Variants in EIF4G3 observed in about 807,000 individuals in gnomAD.
The protein encoded by EIF4G3 is eIF-4-gamma 3.
Under a neutral mutation model 186.4 loss-of-function variants are expected in EIF4G3, and 34 were observed. That is an observed-to-expected ratio of 0.18 (90% CI 0.14 to 0.24). The LOEUF is 0.24. Among genes scored for constraint, EIF4G3 ranks in the 10% least tolerant of loss-of-function variants. The probability of loss-of-function intolerance (pLI) is 1.00; values close to 1 mark genes in which losing one functional copy is unlikely to be tolerated. For synonymous variants in EIF4G3, 673 were observed against 679.5 expected, an observed-to-expected ratio of 0.99 and a Z score of 0.15; for missense variants, 1,536 against 1,948.5, an observed-to-expected ratio of 0.79 and a Z score of 3.99.
chr1:20,991,089 T>G (rs909275280), intron 7 of EIF4G3, among the ~76,000 whole-genome samples: 1 of 152,222 alleles, frequency 6.6e-6, no homozygotes, highest in Admixed American at 6.5e-5. Context: ...AGGTGTCAAT[T>G]TGATAATCTG....
intron 12 of EIF4G3, among the ~76,000 whole-genome samples, chr1:20,965,343 A>ACT (rs540110522): frequency 1.1e-4 from 17 of 151,248 alleles, no homozygotes; most frequent in Non-Finnish European, 2.2e-4. Context: ...GGCATCCCTG[A>ACT]CTCTCTCTCT....
chr1:21,145,112 AT>A (rs201438931), intron 2 of EIF4G3, among the ~76,000 whole-genome samples: 3,411 of 151,874 alleles, frequency 0.022, 74 homozygotes, highest in Non-Finnish European at 0.031. Context: ...GAAAAAAAAA[AT>A]TATGCCATTA....
intron 6 of EIF4G3, among the ~76,000 whole-genome samples, chr1:20,998,212 T>TACACACACACACAC (rs5772928): frequency 6.7e-6 from 1 of 148,474 alleles, no homozygotes; most frequent in Admixed American, 6.7e-5. Context: ...TTTATGACTT[T>TACACACACACACAC]ACACACACAC....
intron 4 of EIF4G3, among the ~76,000 whole-genome samples, chr1:21,041,107 A>C (rs76927565): frequency 0.029 from 4,404 of 152,032 alleles, 136 homozygotes; most frequent in East Asian, 0.14. Flanking sequence ...ATTCGACTAC[A>C]TTTTAATTTT....
intron 2 of EIF4G3, among the ~76,000 whole-genome samples, chr1:21,116,568 C>T (rs931538258): frequency 4.0e-5 from 6 of 151,788 alleles, no homozygotes; most frequent in African/African-American, 7.3e-5. Flanking sequence ...CCAGGCGCGG[C>T]GGCTCACACC....
intron 29 of EIF4G3, among the ~76,000 whole-genome samples, chr1:20,842,125 C>T (rs1287712685): frequency 6.6e-6 from 1 of 152,128 alleles, no homozygotes; most frequent in Non-Finnish European, 1.5e-5. Flanking sequence ...TGTTTTCTTT[C>T]TGAATGTCCA....
chr1:20,828,331 T>C (rs559939348), intron 31 of EIF4G3, among the ~76,000 whole-genome samples: 109 of 152,188 alleles, frequency 7.2e-4, no homozygotes, highest in African/African-American at 2.3e-3. Context: ...CGTCTGGCCA[T>C]ATATAAAGTA....
chr1:20,857,252 C>T (rs2075233525), intron 25 of EIF4G3, 151 bp downstream of exon 25: 1 of 582,302 alleles, frequency 1.7e-6, no homozygotes, highest in Non-Finnish European at 3.1e-6. Context: ...AAAAAATAAC[C>T]ACCCCATGGA....
At chr1:20,887,733 T>C (rs1032267002) in intron 18 of EIF4G3, among the ~76,000 whole-genome samples, 4 of 151,052 alleles carry the variant, frequency 2.6e-5, no homozygotes, top group Non-Finnish European at 5.9e-5. Context: ...GATCATCAGA[T>C]TGGAAAAATA....
At chr1:21,069,331 T>A (rs2095369890) in intron 3 of EIF4G3, among the ~76,000 whole-genome samples, 1 of 152,200 alleles carries the variant, frequency 6.6e-6, no homozygotes, top group African/African-American at 2.4e-5. Context: ...ATGTTACTAC[T>A]TATTTACATA....
At chr1:21,008,332 T>C (rs2085910344) in intron 4 of EIF4G3, among the ~76,000 whole-genome samples, 1 of 133,980 alleles carries the variant, frequency 7.5e-6, no homozygotes. Context: ...TCACTTATTT[T>C]AATCTTTTTT....
intron 15 of EIF4G3, among the ~76,000 whole-genome samples, chr1:20,901,672 G>C (rs2090333861): frequency 6.6e-6 from 1 of 152,018 alleles, no homozygotes; most frequent in Non-Finnish European, 1.5e-5. Flanking sequence ...CAGAATCACT[G>C]AATTATCTGA....
At chr1:20,814,287 C>T (rs947122043) in intron 34 of EIF4G3, among the ~76,000 whole-genome samples, 1 of 152,096 alleles carries the variant, frequency 6.6e-6, no homozygotes, top group Admixed American at 6.6e-5. Flanking sequence ...CATTTTTGCA[C>T]ATTCTTGCTA....
At chr1:21,133,842 A>G (rs1353615439) in intron 2 of EIF4G3, among the ~76,000 whole-genome samples, 4 of 152,134 alleles carry the variant, frequency 2.6e-5, no homozygotes. Context: ...AGTCCTCCCC[A>G]TTATCCTAAT....
At chr1:20,891,274 G>A (rs1296853870) in intron 18 of EIF4G3, among the ~76,000 whole-genome samples, 1 of 152,180 alleles carries the variant, frequency 6.6e-6, no homozygotes, top group Non-Finnish European at 1.5e-5. Flanking sequence ...GACACTGGAA[G>A]AGGATTTATA....
At chr1:20,883,273 T>A (rs72652951) in intron 19 of EIF4G3, among the ~76,000 whole-genome samples, 5,929 of 152,030 alleles carry the variant, frequency 0.039, 179 homozygotes, top group Non-Finnish European at 0.056. Context: ...GAAAGGGGAA[T>A]AGTTTAGGTA....
intron 33 of EIF4G3, among the ~76,000 whole-genome samples, chr1:20,818,298 A>G (rs1420914425): frequency 6.6e-6 from 1 of 152,190 alleles, no homozygotes; most frequent in East Asian, 1.9e-4. Context: ...TATAGGTGTG[A>G]GAAATGATGC....
At chr1:21,009,316 A>G (rs1440225113) in intron 4 of EIF4G3, among the ~76,000 whole-genome samples, 1 of 151,972 alleles carries the variant, frequency 6.6e-6, no homozygotes, top group Non-Finnish European at 1.5e-5. Flanking sequence ...AGTAGCTAGG[A>G]CTATAGGCAC....
chr1:21,170,966 C>A (rs1220653856), intron 2 of EIF4G3, among the ~76,000 whole-genome samples: 2 of 147,864 alleles, frequency 1.4e-5, no homozygotes, highest in African/African-American at 5.0e-5. Context: ...GGTGACAGAG[C>A]AAGTCCCTGT....
Sources: gnomAD v4.1 joint callset for allele counts (sites outside exome capture counted in the v4.1 genomes callset) on GRCh38, gnomAD v4.1.1 for gene constraint, MANE v1.5 for transcripts, NCBI Gene and HGNC (gene_info 2026-07-23, HGNC 2026-07-21) for gene names.